MCM3: variants seen among roughly 807,000 people sequenced by gnomAD.
The protein encoded by MCM3 is minichromosome maintenance complex component 3.
A neutral mutation model predicts 91.3 loss-of-function variants in MCM3; 59 were observed. That is an observed-to-expected ratio of 0.65 (90% CI 0.52 to 0.80). The LOEUF (loss-of-function observed/expected upper bound fraction) is 0.80, where lower values mean the gene tolerates loss of function less well. MCM3 is among the 30% of genes least tolerant of loss of function. The pLI is 0.00. For synonymous variants in MCM3, 383 were observed against 379.6 expected (o/e 1.01, Z -0.10); for missense variants, 919 against 1,035.4 (o/e 0.89, Z 1.54).
intron 12 of MCM3, 135 bp from the exon 13 acceptor site, chr6:52,269,361 T>G: frequency 1.4e-6 from 1 of 708,562 alleles, no homozygotes; most frequent in Non-Finnish European, 2.3e-6. Context: ...TTCTGTGTTC[T>G]CTACAGATAC....
Position 52,283,349 on chromosome 6 carries a change from G to T in MCM3, c.136C>A (p.Arg46=), listed in dbSNP as rs1242946313. The T allele has an allele frequency of 1.5e-5, 24 of 1,613,992 alleles. No homozygotes were observed. Among genetic ancestry groups the T allele is most frequent in the Non-Finnish European group, 2.0e-5 (24 of 1,180,018 alleles). ...AGGTCATTCACATTGACAATCAGCC[G>T]GTATTGGTTGTCACTGATCAGCTCC... is the stretch of plus-strand genomic sequence containing the variant. The part of the protein sequence containing the change: ...VRELISDNQY[R]LIVNVNDLRR... Residue 46 remains arginine, a synonymous_variant, in exon 2 of 17, where the codon CGG becomes AGG. Transcript: ENST00000596288.
Position 52,274,519 on chromosome 6 carries a change from A to T in MCM3, c.1375-603T>A, listed in dbSNP as rs539325031. ...ACATGCAAAACCCTGTCCCTATAAAAACTTAAAAAGAAAAAAAAATTTGCC... is the reference window on the plus strand; with the variant it reads ...ACATGCAAAACCCTGTCCCTATAAATACTTAAAAAGAAAAAAAAATTTGCC... On this transcript the variant is annotated intron_variant, in intron 9 of 16. Transcript: ENST00000596288. Among the ~76,000 whole-genome samples the T allele has an allele frequency of 7.2e-5, 11 of 151,986 alleles. No individual in the cohort carries two copies. The South Asian group carries it at 2.3e-3, about 32-fold the overall frequency.
chr6:52,275,921 G>A (rs575830546), intron 9 of MCM3: 44 of 177,112 alleles, frequency 2.5e-4, no homozygotes, highest in Non-Finnish European at 4.8e-4. Context: ...TGACAGGAGA[G>A]AGAAGCAAGT....
At chr6:52,267,343 G>C (rs1764721019) in intron 14 of MCM3, among the ~76,000 whole-genome samples, 1 of 151,856 alleles carries the variant, frequency 6.6e-6, no homozygotes, top group African/African-American at 2.4e-5. Context: ...TGATCCGCCT[G>C]CCTCGGCCTC....
Position 52,273,349 on chromosome 6 carries a change from G to A in MCM3, c.1557C>T (p.Pro519=). ...APGEQDGDAM[P]LGSAVDILAT... ...CCAGGATATCCACAGCACTACCCAAGGGCATAGCTGGTATACCCAAGTTAG... is the reference window on the plus strand; with the variant it reads ...CCAGGATATCCACAGCACTACCCAAAGGCATAGCTGGTATACCCAAGTTAG... The change falls in exon 11 of 17, where the codon CCC becomes CCT. Residue 519 remains proline (P), a synonymous_variant. Transcript: ENST00000596288. 1 of 1,614,158 alleles carries A rather than the reference G, an allele frequency of 6.2e-7. No homozygotes were observed. Among genetic ancestry groups the A allele is most frequent in the Non-Finnish European group, 8.5e-7 (1 of 1,180,028 alleles).
intron 9 of MCM3, among the ~76,000 whole-genome samples, chr6:52,275,021 C>T (rs956550061): frequency 1.3e-5 from 2 of 152,130 alleles, no homozygotes; most frequent in Non-Finnish European, 2.9e-5. Context: ...ACCTCAGCCT[C>T]CCAAAGTGCT....
At chr6:52,282,550 C>T in intron 3 of MCM3, 103 bp downstream of exon 3, 1 of 1,031,346 alleles carries the variant, frequency 9.7e-7, no homozygotes, top group Non-Finnish European at 1.5e-6. Context: ...TCCAATGCTC[C>T]ACCTCTTTGA....
chr6:52,266,056 G>A lies in MCM3; in HGVS notation c.2228+19C>T. On this transcript the variant is annotated intron_variant, in intron 16 of 16. Transcript: ENST00000596288. ...ATACACAGAATTCTTGAAGGGGCAGGAGCAACATCCGTACTCACCTGGATT... is the reference window on the plus strand; with the variant it reads ...ATACACAGAATTCTTGAAGGGGCAGAAGCAACATCCGTACTCACCTGGATT... 2 of 1,611,398 alleles carry A rather than the reference G, an allele frequency of 1.2e-6. No individual in the cohort carries two copies. The highest frequency in any genetic ancestry group is 1.7e-6 in the Non-Finnish European group (2 of 1,177,606).
chr6:52,266,413 C>G (rs1764645000), intron 15 of MCM3, among the ~76,000 whole-genome samples, 198 bp downstream of exon 15: 1 of 152,184 alleles, frequency 6.6e-6, no homozygotes. Flanking sequence ...CACAGTTCAT[C>G]AAGGAGGTGT....
intron 5 of MCM3, among the ~76,000 whole-genome samples, chr6:52,279,099 T>G (rs866158094): frequency 1.1e-4 from 16 of 152,142 alleles, no homozygotes; most frequent in African/African-American, 3.9e-4. Context: ...GGGGACGAAG[T>G]GTAATTAAAT....
chr6:52,282,723 G>T lies in MCM3; in HGVS notation c.330C>A (p.His110Gln), dbSNP rs200770127. 6.2e-7 allele frequency: 1 copy of T among 1,613,974 alleles called. No homozygotes were observed. The highest frequency in any genetic ancestry group is 2.2e-5 in the East Asian group (1 of 44,878). Residue 110 changes from histidine to glutamine, a missense_variant, in exon 3 of 17, where the codon CAC becomes CAA. Around this residue, in one of 3 missense-constraint regions of MCM3, gnomAD observed 401 missense variants for 402.7 expected, o/e 1.00. Transcript: ENST00000596288. ...VGLEGSFGSKHVSPRTLTSCF... is the reference protein window; with the variant it reads ...VGLEGSFGSKQVSPRTLTSCF... ...AGGAGGTAAGAGTCCGCGGGGAGACGTGCTTGGAGCCAAAGCTGCCTTCCA... is the reference window on the plus strand; with the variant it reads ...AGGAGGTAAGAGTCCGCGGGGAGACTTGCTTGGAGCCAAAGCTGCCTTCCA...
chr6:52,284,651 G>C lies in MCM3; in HGVS notation c.24C>G (p.Asp8Glu). ...TCTGAGCCTCCCGCAGCTCCACATC[G>C]TCCAGCACCACGGTACCCGCCATGC... MAGTVVL[D>E]DVELREAQRD... The change falls in exon 1 of 17, where the codon GAC (aspartate) becomes GAG (glutamate). Residue 8 changes from aspartate to glutamate, a missense_variant. Asp to Glu is a conservative substitution (Grantham distance 45, BLOSUM62 2). Transcript: ENST00000596288. The C allele has an allele frequency of 6.2e-7, 1 of 1,602,108 alleles. No homozygotes were observed. The highest frequency in any genetic ancestry group is 8.5e-7 in the Non-Finnish European group (1 of 1,175,424).
rs753170934 is a variant in MCM3 at position 52,273,329 on chromosome 6, A to G, written c.1577T>C (p.Ile526Thr). The G allele has an allele frequency of 9.9e-6, 16 of 1,614,230 alleles. No individual in the cohort carries two copies. In the Admixed American group the frequency reaches 2.7e-4, roughly 27 times the overall value. Reference protein sequence around the residue: ...DAMPLGSAVDILATDDPNFSQ... With the variant: ...DAMPLGSAVDTLATDDPNFSQ... ...AAAGTTGGGATCATCTGTGGCCAGG[A>G]TATCCACAGCACTACCCAAGGGCAT... The change falls in exon 11 of 17, where the codon ATC (isoleucine) becomes ACC (threonine). Residue 526 changes from isoleucine to threonine, a missense_variant. By Grantham distance (89) the Ile-to-Thr change is moderately conservative (BLOSUM62 -1). Coordinates refer to ENST00000596288, the MANE Select transcript of MCM3 (RefSeq NM_002388.6).
chr6:52,279,322 G>A (rs1466409814), intron 5 of MCM3, 39 bp downstream of exon 5: 1 of 1,511,950 alleles, frequency 6.6e-7, no homozygotes, highest in African/African-American at 1.4e-5. Context: ...AATGGAAGCT[G>A]TCAACAGCAT....
At chr6:52,273,617 A>C (rs1429478005) in intron 10 of MCM3, 125 bp downstream of exon 10, 1 of 997,838 alleles carries the variant, frequency 1.0e-6, no homozygotes, top group East Asian at 2.5e-5. Flanking sequence ...GTGGCTAAAC[A>C]GTTGAGGGCT....
In MCM3 at chr6:52,264,603, G is replaced by C; in HGVS notation, c.2412C>G (p.Ile804Met). The C allele has an allele frequency of 6.2e-7, 1 of 1,614,204 alleles. No homozygotes were observed. The highest frequency in any genetic ancestry group is 8.5e-7 in the Non-Finnish European group (1 of 1,180,042). Residue 804 changes from isoleucine to methionine, a missense_variant, in exon 17 of 17, where the codon ATC becomes ATG. Around this residue, in one of 3 missense-constraint regions of MCM3, gnomAD observed 285 missense variants for 311.4 expected, o/e 0.92. Transcript: ENST00000596288. ...DDNQVMVSEG[I>M]IFLI ...CGAGGCCTCCTCAGATGAGGAAGAT[G>C]ATGCCCTCAGACACCATGACCTGAT...
intron 9 of MCM3, among the ~76,000 whole-genome samples, chr6:52,274,382 T>C (rs1765387400): frequency 1.3e-5 from 2 of 152,178 alleles, no homozygotes; most frequent in Admixed American, 1.3e-4. Context: ...CTATATATCA[T>C]AACATCTTAG....
At chr6:52,274,804 G>A (rs549300704) in intron 9 of MCM3, among the ~76,000 whole-genome samples, 59 of 152,194 alleles carry the variant, frequency 3.9e-4, no homozygotes, top group Non-Finnish European at 6.3e-4. Context: ...ACACTTCACA[G>A]TCAGAGAACA....
At chr6:52,268,001 G>A in intron 13 of MCM3, 33 bp from the exon 14 acceptor site, 1 of 1,613,814 alleles carries the variant, frequency 6.2e-7, no homozygotes, top group Non-Finnish European at 8.5e-7. Flanking sequence ...TGGGCTAGAG[G>A]GGTCACTGAT....
Sources: allele counts gnomAD v4.1 joint callset (sites outside exome capture counted in the v4.1 genomes callset), GRCh38; gene constraint gnomAD v4.1.1; regional missense constraint gnomAD v4.1.1; transcripts MANE v1.5; gene names NCBI Gene and HGNC (gene_info 2026-07-23, HGNC 2026-07-21).